KIF18B: variants seen among roughly 807,000 people sequenced by gnomAD.
KIF18B encodes the protein kinesin family member 18B, also known as kinesin-like protein KIF18B.
Under a neutral mutation model 80.9 loss-of-function variants are expected in KIF18B, and 49 were observed. The ratio of observed to expected loss-of-function variants is 0.61; its 90% CI spans 0.48 to 0.77. The LOEUF is 0.77. Among genes scored for constraint, KIF18B ranks in the 30% least tolerant of loss-of-function variants. The pLI, the probability that KIF18B is intolerant of heterozygous loss-of-function variation, is 0.00. For synonymous variants in KIF18B, 439 were observed against 463.9 expected (o/e 0.95, Z 0.69); for missense variants, 994 against 1,127.7 (o/e 0.88, Z 1.70).
In KIF18B at chr17:44,936,293, TG is replaced by T; in HGVS notation, c.51del (p.Thr18ProfsTer35). 1 of 1,609,658 alleles carries T rather than the reference TG, an allele frequency of 6.2e-7. No individual in the cohort carries two copies. On this transcript the variant is annotated frameshift_variant, in exon 2 of 16. Coordinates refer to ENST00000593135, the MANE Select transcript of KIF18B (RefSeq NM_001265577.2). LOFTEE classifies it high-confidence loss of function. ...TLQVVVRVRP[P>X]TPRELDSQRR... is the part of the protein sequence containing the mutation. ...CGCTGACTGTCCAGCTCCCGAGGGGTGGGGGGCCGCACCCGTACCACTACTT... is the reference window on the plus strand; with the variant it reads ...CGCTGACTGTCCAGCTCCCGAGGGGTGGGGGCCGCACCCGTACCACTACTT...
In KIF18B at chr17:44,935,267, A is replaced by G. The variant is rs2052258940; in HGVS notation, c.463T>C (p.Tyr155His). 2 of 1,604,920 alleles carry G rather than the reference A, an allele frequency of 1.2e-6. No individual in the cohort carries two copies. Among genetic ancestry groups the G allele is most frequent in the African/African-American group, 2.7e-5 (2 of 74,666 alleles). The change falls in exon 3 of 16, where the codon TAC becomes CAC. Residue 155 changes from tyrosine (Y) to histidine (H), a missense_variant. Tyr to His is a moderately conservative substitution (Grantham distance 83). Transcript: ENST00000593135. The stretch of plus-strand genomic sequence containing the variant: ...GGGCAGGGGCAGCCGACCTCCTGGT[A>G]GCTGATGAGCACCTCGAAGTGCTTC... ...QEKHFEVLIS[Y>H]QEVYNEQIHD...
At chr17:44,926,918 G>A (rs187302705) in intron 14 of KIF18B, 71 bp downstream of exon 14, 10 of 1,339,012 alleles carry the variant, frequency 7.5e-6, no homozygotes, top group South Asian at 1.3e-5. Context: ...GCCCAGAGTC[G>A]GCCCAGGTGT....
chr17:44,926,490 G>A lies in KIF18B; in HGVS notation c.2376C>T (p.Val792=). The A allele has an allele frequency of 1.3e-6, 2 of 1,586,908 alleles. No homozygotes were observed. The highest frequency in any genetic ancestry group is 1.7e-6 in the Non-Finnish European group (2 of 1,168,308). ...CKKKRVASSS[V]SHGRSRIARL... ...GGGCGATGCGGCTGCGGCCATGGGA[G>A]ACTGAGGAACTGAGGGAGGAAAGGA... is the stretch of plus-strand genomic sequence containing the variant. The change falls in exon 15 of 16, where the codon GTC becomes GTT. Residue 792 remains valine, a synonymous_variant. Transcript: ENST00000593135.
In KIF18B at chr17:44,924,807, C is replaced by T. The variant is rs1031080353; in HGVS notation, c.*1273G>A. 1 of 152,094 alleles carries T rather than the reference C, an allele frequency of 6.6e-6. No homozygotes were observed. The highest frequency in any genetic ancestry group is 2.4e-5 in the African/African-American group (1 of 41,362). The allele number at this position is 152,094 out of a possible 1,614,324, so 9.4% of individuals were successfully genotyped here. The stretch of plus-strand genomic sequence containing the variant: ...ATCAGAAGGCTATAAACCCAAGTAT[C>T]ATTAGCATTTATATCTAGGTGCAGC... On this transcript the variant is annotated 3_prime_UTR_variant, in exon 16 of 16. Transcript: ENST00000593135.
In KIF18B at chr17:44,937,223, C is replaced by T. The variant is rs1048537317; in HGVS notation, c.-14-865G>A. On this transcript the variant is annotated intron_variant, in intron 1 of 15. Coordinates refer to ENST00000593135, the MANE Select transcript of KIF18B (RefSeq NM_001265577.2). ...TAAGAAAATTTTATCAATTCTACCC[C>T]CAACCTAGAGCCCTCTCCTCCCTCA... is the stretch of plus-strand genomic sequence containing the variant. Among the ~76,000 whole-genome samples, 141 of 152,148 alleles carry T rather than the reference C, an allele frequency of 9.3e-4. 3 individuals carry two copies. In the South Asian group the frequency reaches 0.028, roughly 31 times the overall value.
intron 10 of KIF18B, 146 bp downstream of exon 10, chr17:44,931,910 T>C: frequency 8.5e-7 from 1 of 1,174,380 alleles, no homozygotes; most frequent in Non-Finnish European, 1.2e-6. Flanking sequence ...CTGCACAGAA[T>C]CTGAAATCCT....
intron 1 of KIF18B, among the ~76,000 whole-genome samples, chr17:44,946,246 C>A (rs2052511202): frequency 6.6e-6 from 1 of 151,870 alleles, no homozygotes. Context: ...TTTTTTGCAA[C>A]AGTATACATG....
Position 44,927,147 on chromosome 17 carries a change from C to G in KIF18B, c.2277-69G>C, listed in dbSNP as rs2052046646. The stretch of plus-strand genomic sequence containing the variant: ...GGAAGCAAGGCCAGCCACTTCCTCC[C>G]TCCAGCCCCCAGCTCGGGCATGGGG... On this transcript the variant is annotated intron_variant, in intron 13 of 15. Transcript: ENST00000593135. The surrounding 1 kb of genome is among the most constrained non-coding windows in gnomAD (Gnocchi z 4.1). 8.3e-7 allele frequency: 1 copy of G among 1,204,854 alleles called. No individual in the cohort carries two copies. The highest frequency in any genetic ancestry group is 1.2e-6 in the Non-Finnish European group (1 of 853,214). 74.6% of individuals were successfully genotyped at this position (1,204,854 alleles called of 1,614,324 possible). A position where few individuals can be genotyped will look rare whatever the true frequency, so the allele number is the denominator to read the frequency against.
rs557369525 is a variant in KIF18B at position 44,927,069 on chromosome 17, C to T, written c.2286G>A (p.Val762=). Residue 762 remains valine (V), a synonymous_variant, in exon 14 of 16, where the codon GTG becomes GTA. Transcript: ENST00000593135. The surrounding 1 kb of genome is among the most constrained non-coding windows in gnomAD (Gnocchi z 4.1). ...TGGGGCCCTTCATGGTGAACAGGGG[C>T]ACAGGTGCCCTGGGGAGGGAGGACA... ...LDQPFIPRAP[V]PLFTMKGPKP... is the part of the protein sequence containing the mutation. 62 of 1,609,922 alleles carry T rather than the reference C, an allele frequency of 3.9e-5. No individual in the cohort carries two copies. The highest frequency in any genetic ancestry group is 5.1e-5 in the Non-Finnish European group (60 of 1,178,022).
chr17:44,934,463 G>A lies in KIF18B; in HGVS notation c.688-33C>T. Reference sequence around the variant, plus strand: ...CAGATGGCAGGGGTGAGGGGGAGATGGGCATCAGGGGCACTGGTTTCAGGC... The same window carrying A: ...CAGATGGCAGGGGTGAGGGGGAGATAGGCATCAGGGGCACTGGTTTCAGGC... On this transcript the variant is annotated intron_variant, in intron 5 of 15. Transcript: ENST00000593135. This position sits in a 1 kb window ranked among gnomAD's most constrained non-coding sequence, Gnocchi z 5.4. 1 of 1,603,390 alleles carries A rather than the reference G, an allele frequency of 6.2e-7. No homozygotes were observed. The highest frequency in any genetic ancestry group is 1.7e-4 in the Middle Eastern group (1 of 6,038).
At position 44,934,507 on chromosome 17, in the gene KIF18B, C is replaced by T; in HGVS notation, c.687G>A (p.Gln229=). The change falls in exon 5 of 16, where the codon CAG becomes CAA. Residue 229 remains glutamine (Q), a splice_region_variant and synonymous_variant. Transcript: ENST00000593135. This position sits in a 1 kb window ranked among gnomAD's most constrained non-coding sequence, Gnocchi z 5.4. ...TTCAGGCTCTGACCCATGACCTCAC[C>T]TGGAAGATGGCATGGGAGCGGGAGG... The part of the protein sequence containing the change: ...ATSSRSHAIF[Q]IFVKQQDRVP... 1 of 1,611,268 alleles carries T rather than the reference C, an allele frequency of 6.2e-7. No individual in the cohort carries two copies. The highest frequency in any genetic ancestry group is 8.5e-7 in the Non-Finnish European group (1 of 1,178,572).
intron 1 of KIF18B, among the ~76,000 whole-genome samples, chr17:44,947,103 A>G: frequency 1.3e-5 from 1 of 78,976 alleles, no homozygotes; most frequent in East Asian, 3.4e-4. Flanking sequence ...AGAGAGAGAG[A>G]CTCCATCTCC....
At chr17:44,933,064 T>G (rs1303420847) in intron 7 of KIF18B, 78 bp from the exon 8 acceptor site, 2 of 1,352,920 alleles carry the variant, frequency 1.5e-6, no homozygotes, top group Non-Finnish European at 2.1e-6. Context: ...GGCCAGGCAC[T>G]GCACTAGGTC....
rs2052145389 is a variant in KIF18B, at chr17:44,931,527, C to A, written c.1517+75G>T. On this transcript the variant is annotated intron_variant, in intron 11 of 15. Transcript: ENST00000593135. ...CAGGGCTTTTGTGATGTGCTTAACA[C>A]CAATTCCCACACCCAGGGAGGCTGA... The A allele has an allele frequency of 2.5e-6, 4 of 1,600,092 alleles. No individual in the cohort carries two copies. The South Asian group carries it at 4.4e-5, about 18-fold the overall frequency.
chr17:44,932,629 G>T, intron 9 of KIF18B, 44 bp downstream of exon 9: 2 of 1,036,174 alleles, frequency 1.9e-6, no homozygotes, highest in Non-Finnish European at 3.0e-6. Context: ...TCCCCATCCT[G>T]GCTGAGCTGC....
chr17:44,930,295 C>G (rs1303520058), intron 11 of KIF18B, among the ~76,000 whole-genome samples: 2 of 152,222 alleles, frequency 1.3e-5, no homozygotes, highest in Admixed American at 6.5e-5. Flanking sequence ...AGTGCCCCAT[C>G]TGACAAATGG....
In KIF18B at chr17:44,938,451, TTAAA is replaced by T. The variant is rs111690914; in HGVS notation, c.-14-2097_-14-2094del. ...CTGGCCATAGTGAAGTTTTTAACAC[TTAAA>T]TAGTCAGACATGTCAATCTTTTCTT... On this transcript the variant is annotated intron_variant, in intron 1 of 15. Coordinates refer to ENST00000593135, the MANE Select transcript of KIF18B (RefSeq NM_001265577.2). Among the ~76,000 whole-genome samples the T allele has an allele frequency of 4.3e-3, 649 of 152,372 alleles. 4 individuals are homozygous for T. The highest frequency in any genetic ancestry group is 0.015 in the African/African-American group (612 of 41,588).
chr17:44,924,984 G>A lies in KIF18B; in HGVS notation c.*1096C>T, dbSNP rs1217721311. 3 of 152,144 alleles carry A rather than the reference G, an allele frequency of 2.0e-5. No homozygotes were observed. The highest frequency in any genetic ancestry group is 7.2e-5 in the African/African-American group (3 of 41,402). The allele number at this position is 152,144 out of a possible 1,614,324, so 9.4% of individuals were successfully genotyped here. ...GGACTGTGGTTGGGGACCAAGGGGA[G>A]TAGGGATGAAGATGTCCCTCTCAGA... On this transcript the variant is annotated 3_prime_UTR_variant, in exon 16 of 16. Coordinates refer to ENST00000593135, the MANE Select transcript of KIF18B (RefSeq NM_001265577.2).
chr17:44,927,000 C>T lies in KIF18B; in HGVS notation c.2355G>A (p.Lys785=), dbSNP rs1289976103. ...CTCCCAAACCTCACCTCGCAACGCG[C>T]TTCTTCTTGCAGGCAGAGGTCCCAG... ...SLPGTSACKK[K]RVASSSVSHG... Residue 785 remains lysine, a synonymous_variant, in exon 14 of 16, where the codon AAG becomes AAA. Coordinates refer to ENST00000593135, the MANE Select transcript of KIF18B (RefSeq NM_001265577.2). The T allele has an allele frequency of 3.1e-6, 5 of 1,611,002 alleles. No individual in the cohort carries two copies. The highest frequency in any genetic ancestry group is 4.2e-6 in the Non-Finnish European group (5 of 1,178,806).
Sources: allele counts gnomAD v4.1 joint callset (sites outside exome capture counted in the v4.1 genomes callset), GRCh38; gene constraint gnomAD v4.1.1; non-coding constraint Gnocchi (gnomAD v3.1); transcripts MANE v1.5; gene names NCBI Gene and HGNC (gene_info 2026-07-23, HGNC 2026-07-21).